RDX: variants seen among roughly 807,000 people sequenced by gnomAD.
RDX encodes deafness, autosomal recessive 24.
A neutral mutation model predicts 83.7 loss-of-function variants in RDX; 32 were observed. The observed-to-expected ratio is 0.38, with a 90% CI of 0.29 to 0.51. The LOEUF (loss-of-function observed/expected upper bound fraction) is 0.51. Ranked by LOEUF, RDX falls within the 20% of genes least tolerant of loss-of-function variation. The pLI is 0.87. For synonymous variants in RDX, 229 were observed against 222.7 expected, an observed-to-expected ratio of 1.03 and a Z score of -0.25; for missense variants, 600 against 689.9, an observed-to-expected ratio of 0.87 and a Z score of 1.46.
chr11:110,212,261 T>G (rs559249970), intron 14 of RDX, among the ~76,000 whole-genome samples: 2 of 152,080 alleles, frequency 1.3e-5, no homozygotes, highest in Non-Finnish European at 2.9e-5. Flanking sequence ...CCTGGACACA[T>G]ACATTCTCCC....
At chr11:110,245,955 A>T (rs1859090601) in intron 10 of RDX, among the ~76,000 whole-genome samples, 1 of 151,856 alleles carries the variant, frequency 6.6e-6, no homozygotes, top group South Asian at 2.1e-4. Flanking sequence ...TAGATATTTC[A>T]TTTTTTTTGA....
intron 3 of RDX, among the ~76,000 whole-genome samples, chr11:110,266,193 C>A (rs965001352): frequency 2.0e-5 from 3 of 151,466 alleles, no homozygotes; most frequent in African/African-American, 7.3e-5. Context: ...ATTAGCTGGG[C>A]GTGGTGGCAT....
chr11:110,232,803 CAG>C (rs1484634795), intron 13 of RDX, among the ~76,000 whole-genome samples: 1 of 152,046 alleles, frequency 6.6e-6, no homozygotes, highest in African/African-American at 2.4e-5. Flanking sequence ...TTGGTAGAGG[CAG>C]AGTTTCACCA....
At chr11:110,242,527 G>A (rs1290862651) in intron 10 of RDX, among the ~76,000 whole-genome samples, 1 of 150,314 alleles carries the variant, frequency 6.7e-6, no homozygotes, top group Non-Finnish European at 1.5e-5. Context: ...TCTGTATTAT[G>A]AGACAAAAAA....
chr11:110,263,912 T>C lies in RDX; in HGVS notation c.467+48A>G, dbSNP rs546044745. The C allele has an allele frequency of 1.7e-5, 27 of 1,548,540 alleles. No individual in the cohort carries two copies. The Admixed American group carries it at 4.4e-4, about 25-fold the overall frequency. On this transcript the variant is annotated intron_variant, in intron 5 of 13. Transcript: ENST00000645495. The stretch of plus-strand genomic sequence containing the variant: ...GAAAAACGTTTTATTTATAGACTTC[T>C]AGAATACAATTTTCAGACAATATAA...
intron 14 of RDX, among the ~76,000 whole-genome samples, chr11:110,211,756 G>A (rs552483402): frequency 4.3e-4 from 64 of 150,292 alleles, no homozygotes; most frequent in Admixed American, 1.7e-3. Context: ...ACGAAATGAA[G>A]GCAGAAATAA....
rs547148263 is a variant in RDX, at chr11:110,282,621, A to G, written c.-64-2865T>C. ...ACAATGCAGCCTATCAAAATGTTAT[A>G]GAAAAATACTAAATGACATAGGAAG... On this transcript the variant is annotated intron_variant, in intron 1 of 13. Coordinates refer to ENST00000645495, the MANE Select transcript of RDX (RefSeq NM_002906.4). Among the ~76,000 whole-genome samples, 30 of 152,336 alleles carry G rather than the reference A, an allele frequency of 2.0e-4. 1 individual carries two copies. The South Asian group carries it at 4.8e-3, about 24-fold the overall frequency.
Position 110,201,903 on chromosome 11 carries a change from TTGTGTGTGTGTGTGTGTGTG to T in RDX, c.1749-2245_1749-2226del, listed in dbSNP as rs141731309. Among the ~76,000 whole-genome samples the T allele has an allele frequency of 6.6e-3, 908 of 137,316 alleles. 21 individuals are homozygous for T. The highest frequency in any genetic ancestry group is 0.022 in the African/African-American group (836 of 37,578). 90.1% of individuals were successfully genotyped at this position (137,316 alleles called of 152,430 possible). The stretch of plus-strand genomic sequence containing the variant: ...CACATGCCACCACATCCGGCTAATT[TTGTGTGTGTGTGTGTGTGTG>T]TGTGTGTGTGTGTGTGTGTGTGTGT... On this transcript the variant is annotated intron_variant, in intron 14 of 15. Transcript: ENST00000528498.
intron 1 of RDX, among the ~76,000 whole-genome samples, chr11:110,284,932 A>G (rs1028269599): frequency 6.6e-6 from 1 of 152,248 alleles, no homozygotes; most frequent in Non-Finnish European, 1.5e-5. Flanking sequence ...AGAATTTTAA[A>G]AACATATTTC....
In RDX at chr11:110,244,363, CAAAAAAA is replaced by C. The variant is rs71053874; in HGVS notation, c.1090+3333_1090+3339del. ...GGGGCAACAGAGTGAGATTCTGGCT[CAAAAAAA>C]AAAAAAAAAAAAAAAAAAGAGAGTG... is the stretch of plus-strand genomic sequence containing the variant. On this transcript the variant is annotated intron_variant, in intron 10 of 13. Coordinates refer to ENST00000645495, the MANE Select transcript of RDX (RefSeq NM_002906.4). 8.6e-4 allele frequency among the ~76,000 whole-genome samples: 44 copies of C among 51,316 alleles called. No homozygotes were observed. The East Asian group carries it at 0.031, about 36-fold the overall frequency. The allele number at this position is 51,316 out of a possible 152,430, so 33.7% of individuals were successfully genotyped here.
chr11:110,241,577 G>A (rs1162855957), intron 10 of RDX, among the ~76,000 whole-genome samples: 5 of 152,174 alleles, frequency 3.3e-5, no homozygotes, highest in Non-Finnish European at 7.4e-5. Flanking sequence ...GATTACAGGT[G>A]TGAGCTATTG....
At chr11:110,266,715 A>G (rs112086375) in intron 3 of RDX, among the ~76,000 whole-genome samples, 80 of 152,110 alleles carry the variant, frequency 5.3e-4, no homozygotes, top group African/African-American at 1.8e-3. Context: ...CTAGAGGCAC[A>G]TTCCACCACA....
rs528438397 is a variant in RDX, at chr11:110,182,470, A to G, written c.*32-7236T>C. On this transcript the variant is annotated intron_variant, in intron 15 of 15. Coordinates refer to the RDX transcript ENST00000528498. The stretch of plus-strand genomic sequence containing the variant: ...ACAAAAACCAGCCGGGTGTGGTGGC[A>G]CACACCTGTAGTCCCAGCTACTCGG... Among the ~76,000 whole-genome samples the G allele has an allele frequency of 1.7e-3, 258 of 152,212 alleles. 1 individual carries two copies. Among genetic ancestry groups the G allele is most frequent in the African/African-American group, 6.0e-3 (248 of 41,542 alleles).
intron 2 of RDX, among the ~76,000 whole-genome samples, chr11:110,278,365 C>T (rs545194540): frequency 2.0e-5 from 3 of 152,130 alleles, no homozygotes; most frequent in South Asian, 2.1e-4. Context: ...ATTTCATTTA[C>T]GAACACTTTT....
Position 110,231,876 on chromosome 11 carries a change from G to T in RDX, c.1745C>A (p.Ala582Glu). Reference protein sequence around the residue: ...NTKQRIDEFEAM With the variant: ...NTKQRIDEFEEM ...TATGCAAAATAACAGCTCTCACATT[G>T]CTTCAAACTCATCGATACGCTGCTT... is the stretch of plus-strand genomic sequence containing the variant. The change falls in exon 14 of 14, where the codon GCA (alanine) becomes GAA (glutamate). Residue 582 changes from alanine to glutamate, a missense_variant. By Grantham distance (107) the Ala-to-Glu change is moderately radical. Transcript: ENST00000645495. 2 of 1,612,446 alleles carry T rather than the reference G, an allele frequency of 1.2e-6. No homozygotes were observed. The highest frequency in any genetic ancestry group is 1.7e-6 in the Non-Finnish European group (2 of 1,179,942).
At chr11:110,226,511 G>A (rs113382913), downstream of RDX, among the ~76,000 whole-genome samples, 132 of 152,294 alleles carry the variant, frequency 8.7e-4, 1 homozygote, top group African/African-American at 3.1e-3. Flanking sequence ...ATGGGTACAG[G>A]CTTCAGTCCG....
chr11:110,234,462 G>A (rs1472514617), intron 12 of RDX, among the ~76,000 whole-genome samples: 1 of 152,120 alleles, frequency 6.6e-6, no homozygotes, highest in Non-Finnish European at 1.5e-5. Flanking sequence ...TGACTAAAAT[G>A]AAATAGTACA....
chr11:110,269,986 G>A (rs1860236724), intron 3 of RDX, among the ~76,000 whole-genome samples: 1 of 152,108 alleles, frequency 6.6e-6, no homozygotes, highest in Non-Finnish European at 1.5e-5. Flanking sequence ...AGGTTACAGT[G>A]AGCCGAGATC....
intron 15 of RDX, among the ~76,000 whole-genome samples, chr11:110,192,409 T>C (rs1042982992): frequency 6.6e-6 from 1 of 152,216 alleles, no homozygotes; most frequent in Non-Finnish European, 1.5e-5. Flanking sequence ...AAGATTTAAA[T>C]GTAAGACCTC....
Sources: allele counts gnomAD v4.1 joint callset (sites outside exome capture counted in the v4.1 genomes callset), GRCh38; gene constraint gnomAD v4.1.1; transcripts MANE v1.5; gene names NCBI Gene and HGNC (gene_info 2026-07-23, HGNC 2026-07-21).